Variants in PCDH7 observed in about 807,000 individuals in gnomAD.
The protein encoded by PCDH7 is protocadherin 7, also known as protocadherin-7.
Under a neutral mutation model 58.9 loss-of-function variants are expected in PCDH7, and 17 were observed. The observed-to-expected ratio is 0.29, with a 90% CI of 0.20 to 0.43. The LOEUF (loss-of-function observed/expected upper bound fraction) is 0.43, where lower values mean the gene tolerates loss of function less well. Ranked by LOEUF, PCDH7 falls within the 20% of genes least tolerant of loss-of-function variation. The pLI is 1.00. For missense variants in PCDH7, 1,274 were observed against 1,441.0 expected, an observed-to-expected ratio of 0.88 and a Z score of 1.88; for synonymous variants, 664 against 616.4, an observed-to-expected ratio of 1.08 and a Z score of -1.14.
At chr4:30,816,154 T>A (rs1452233622) in intron 1 of PCDH7, among the ~76,000 whole-genome samples, 2 of 152,184 alleles carry the variant, frequency 1.3e-5, no homozygotes, top group South Asian at 4.1e-4. Flanking sequence ...TAATAGTAAA[T>A]GTAGGTAATA....
At chr4:30,750,722 A>G (rs1283334869) in intron 1 of PCDH7, among the ~76,000 whole-genome samples, 5 of 152,156 alleles carry the variant, frequency 3.3e-5, no homozygotes, top group African/African-American at 9.7e-5. Flanking sequence ...AACATGCTGC[A>G]TTCTAGGTAC....
At chr4:30,912,505 T>C (rs1376156465) in intron 1 of PCDH7, among the ~76,000 whole-genome samples, 1 of 152,128 alleles carries the variant, frequency 6.6e-6, no homozygotes, top group Non-Finnish European at 1.5e-5. Context: ...ACTAAGTGAA[T>C]TGGAAAAAAT....
chr4:30,789,804 G>A (rs1302987134), intron 1 of PCDH7, among the ~76,000 whole-genome samples: 1 of 152,038 alleles, frequency 6.6e-6, no homozygotes, highest in African/African-American at 2.4e-5. Flanking sequence ...ATTTTCCTTA[G>A]AAGATTAGAC....
intron 3 of PCDH7, among the ~76,000 whole-genome samples, chr4:31,026,210 T>C (rs188722928): frequency 6.6e-6 from 1 of 152,358 alleles, no homozygotes; most frequent in East Asian, 1.9e-4. Context: ...ATGACATTTT[T>C]CTTGAGTTCC....
At chr4:31,056,557 A>G (rs980788330) in intron 3 of PCDH7, among the ~76,000 whole-genome samples, 6 of 148,972 alleles carry the variant, frequency 4.0e-5, no homozygotes, top group African/African-American at 1.5e-4. Flanking sequence ...AGAGAGAGAG[A>G]GGAAGGGAAG....
chr4:30,724,156 T>C (rs1714249607), exon 1 of PCDH7: 1 of 1,613,816 alleles, frequency 6.2e-7, no homozygotes, highest in Non-Finnish European at 8.5e-7. Context: ...TAAAAATGGC[T>C]ATGAAGCCGG....
intron 1 of PCDH7, among the ~76,000 whole-genome samples, chr4:30,757,394 A>T (rs1455228691): frequency 6.6e-6 from 1 of 152,218 alleles, no homozygotes; most frequent in Non-Finnish European, 1.5e-5. Flanking sequence ...TGAGCAGGGC[A>T]GAAAGGCCCT....
intron 1 of PCDH7, among the ~76,000 whole-genome samples, chr4:30,774,974 T>C (rs1721878321): frequency 6.6e-6 from 1 of 152,240 alleles, no homozygotes; most frequent in South Asian, 2.1e-4. Flanking sequence ...TTCTAACAGC[T>C]TTGACTCCTT....
At chr4:31,093,981 G>A (rs1713609752) in intron 3 of PCDH7, among the ~76,000 whole-genome samples, 1 of 152,034 alleles carries the variant, frequency 6.6e-6, no homozygotes, top group African/African-American at 2.4e-5. Context: ...ACTTTATGGT[G>A]GACATGTTTT....
intron 1 of PCDH7, among the ~76,000 whole-genome samples, chr4:30,832,046 T>A (rs1729866916): frequency 6.6e-6 from 1 of 152,180 alleles, no homozygotes; most frequent in African/African-American, 2.4e-5. Context: ...AAAAGCACAG[T>A]AACTCATACA....
At chr4:31,104,361 G>A (rs964366107) in intron 3 of PCDH7, among the ~76,000 whole-genome samples, 1 of 151,998 alleles carries the variant, frequency 6.6e-6, no homozygotes, top group Non-Finnish European at 1.5e-5. Flanking sequence ...TAAAGCAAGT[G>A]GAAGAAAAAA....
intron 1 of PCDH7, among the ~76,000 whole-genome samples, chr4:30,762,705 G>A (rs1326354495): frequency 6.6e-6 from 1 of 152,178 alleles, no homozygotes; most frequent in Non-Finnish European, 1.5e-5. Context: ...TCTTGGACTG[G>A]ATTGCATTAG....
chr4:30,803,677 C>T (rs1273994335), intron 1 of PCDH7, among the ~76,000 whole-genome samples: 1 of 152,152 alleles, frequency 6.6e-6, no homozygotes, highest in African/African-American at 2.4e-5. Context: ...GACTTAAAAC[C>T]ATCCTCCTGC....
intron 3 of PCDH7, among the ~76,000 whole-genome samples, chr4:31,099,661 T>C (rs1714642165): frequency 6.6e-6 from 1 of 152,194 alleles, no homozygotes; most frequent in Admixed American, 6.5e-5. Flanking sequence ...ATTTTCCCTA[T>C]TTCACATACG....
At chr4:30,741,226 T>C (rs961751396) in intron 1 of PCDH7, among the ~76,000 whole-genome samples, 2 of 152,118 alleles carry the variant, frequency 1.3e-5, no homozygotes, top group African/African-American at 2.4e-5. Flanking sequence ...TATGCATTTA[T>C]AGAGTTTTGT....
intron 1 of PCDH7, chr4:30,776,211 G>GAC (rs1226101172): frequency 3.3e-5 from 5 of 152,204 alleles, no homozygotes; most frequent in African/African-American, 7.2e-5. Context: ...AATCAGAGGT[G>GAC]TACCACATTC....
At chr4:30,961,304 G>T (rs1034876769) in intron 3 of PCDH7, among the ~76,000 whole-genome samples, 1 of 151,908 alleles carries the variant, frequency 6.6e-6, no homozygotes, top group South Asian at 2.1e-4. Context: ...CAGCACTTTG[G>T]GAGGCCGAGG....
At chr4:30,826,015 T>G (rs915023530) in intron 1 of PCDH7, among the ~76,000 whole-genome samples, 2 of 152,142 alleles carry the variant, frequency 1.3e-5, no homozygotes, top group African/African-American at 4.8e-5. Flanking sequence ...TCCCTTTTTC[T>G]CTGCCATTTC....
In PCDH7 at chr4:30,763,018, G is replaced by A. The variant is rs1419057440; in HGVS notation, c.70+38422G>A. On this transcript the variant is annotated intron_variant, in intron 1 of 3. Transcript: ENST00000509759. ...AGCACTTTGGGAGGCCTAGGCGGGCGGATCACCTGAGGCCAGGAGTTCAAG... is the reference window on the plus strand; with the variant it reads ...AGCACTTTGGGAGGCCTAGGCGGGCAGATCACCTGAGGCCAGGAGTTCAAG... 5.9e-5 allele frequency among the ~76,000 whole-genome samples: 9 copies of A among 152,184 alleles called. No homozygotes were observed. The East Asian group carries it at 1.2e-3, about 20-fold the overall frequency.
Sources: gnomAD v4.1 joint callset for allele counts (sites outside exome capture counted in the v4.1 genomes callset) on GRCh38, gnomAD v4.1.1 for gene constraint, MANE v1.5 for transcripts, NCBI Gene and HGNC (gene_info 2026-07-23, HGNC 2026-07-21) for gene names.